Variants in AXDND1 observed in about 807,000 individuals in gnomAD.
The protein encoded by AXDND1 is axonemal dynein light chain domain-containing protein 1.
A neutral mutation model predicts 137.5 loss-of-function variants in AXDND1; 110 were observed. The observed-to-expected ratio is 0.80, with a 90% CI of 0.69 to 0.94. The LOEUF (loss-of-function observed/expected upper bound fraction) is 0.94. AXDND1 is among the 40% of genes least tolerant of loss of function. AXDND1 has a pLI of 0.00. For synonymous variants in AXDND1, 414 were observed against 399.7 expected, an observed-to-expected ratio of 1.04 and a Z score of -0.43; for missense variants, 1,191 against 1,169.8, an observed-to-expected ratio of 1.02 and a Z score of -0.26.
At chr1:179,390,451 G>A (rs1322781079) in intron 9 of AXDND1, among the ~76,000 whole-genome samples, 1 of 152,120 alleles carries the variant, frequency 6.6e-6, no homozygotes, top group Admixed American at 6.6e-5. Context: ...ATTTTTGTTT[G>A]TGTTTAAATA....
intron 13 of AXDND1, 62 bp downstream of exon 13, chr1:179,429,681 G>A: frequency 5.7e-6 from 5 of 877,476 alleles, no homozygotes; most frequent in South Asian, 2.2e-5. Flanking sequence ...GGTTGAGACT[G>A]TAAGATGCCT....
At chr1:179,439,143 GT>G (rs1431545079) in intron 15 of AXDND1, among the ~76,000 whole-genome samples, 1 of 152,140 alleles carries the variant, frequency 6.6e-6, no homozygotes, top group Non-Finnish European at 1.5e-5. Context: ...ACCATAGATT[GT>G]TTTCTAGCCA....
chr1:179,472,540 T>C (rs528292252), intron 17 of AXDND1, among the ~76,000 whole-genome samples: 1 of 152,298 alleles, frequency 6.6e-6, no homozygotes, highest in South Asian at 2.1e-4. Flanking sequence ...AAATCTTCTG[T>C]TTCCTTATTT....
intron 25 of AXDND1, 166 bp downstream of exon 25, chr1:179,535,128 A>C: frequency 9.7e-7 from 1 of 1,027,440 alleles, no homozygotes. Context: ...TCTTATTCGG[A>C]CAACTCACAA....
chr1:179,492,550 A>G (rs765643311), intron 19 of AXDND1, among the ~76,000 whole-genome samples: 4 of 152,194 alleles, frequency 2.6e-5, no homozygotes, highest in Non-Finnish European at 5.9e-5. Flanking sequence ...TGCAAGCTTG[A>G]TGCTATCATT....
At chr1:179,536,007 G>T (rs1671520046) in intron 25 of AXDND1, among the ~76,000 whole-genome samples, 2 of 152,224 alleles carry the variant, frequency 1.3e-5, no homozygotes, top group South Asian at 4.1e-4. Context: ...TCTGTTGGCT[G>T]CATAAATGTC....
intron 21 of AXDND1, among the ~76,000 whole-genome samples, chr1:179,514,732 A>G (rs1022203893): frequency 1.3e-5 from 2 of 152,114 alleles, no homozygotes; most frequent in Non-Finnish European, 2.9e-5. Flanking sequence ...ATTGTTTTAC[A>G]AATTTGGGAG....
intron 17 of AXDND1, among the ~76,000 whole-genome samples, chr1:179,471,157 T>C (rs778887395): frequency 6.6e-6 from 1 of 152,220 alleles, no homozygotes; most frequent in Non-Finnish European, 1.5e-5. Flanking sequence ...AGTCTTTGCA[T>C]TGGTATTCAT....
rs751120618 is a variant in AXDND1, at chr1:179,445,221, A to C, written c.1798+17A>C. 12 of 1,410,698 alleles carry C rather than the reference A, an allele frequency of 8.5e-6. No individual in the cohort carries two copies. The highest frequency in any genetic ancestry group is 7.3e-5 in the East Asian group (3 of 41,358). 87.4% of individuals were successfully genotyped at this position (1,410,698 alleles called of 1,614,324 possible). A position where few individuals can be genotyped will look rare whatever the true frequency, so the allele number is the denominator to read the frequency against. On this transcript the variant is annotated intron_variant, in intron 16 of 25. Transcript: ENST00000367618. ...GGGACAATGGTAAGAAAATACTCAT[A>C]ATAATTAGATTTCTTGGTATAAAAT...
intron 11 of AXDND1, among the ~76,000 whole-genome samples, chr1:179,410,857 A>G (rs1386334041): frequency 1.3e-5 from 2 of 152,160 alleles, no homozygotes; most frequent in African/African-American, 2.4e-5. Flanking sequence ...TCAGAATTCT[A>G]GTGAAAAAAT....
rs573554636 is a variant in AXDND1, at chr1:179,401,613, A to G, written c.1109+6411A>G. ...TGTCCCCACCCAAATATTGTCTTAA[A>G]TTTTAGCTACCATAATTCCCACGTG... On this transcript the variant is annotated intron_variant, in intron 11 of 25. Coordinates refer to ENST00000367618, the MANE Select transcript of AXDND1 (RefSeq NM_144696.6). Among the ~76,000 whole-genome samples, 22 of 152,214 alleles carry G rather than the reference A, an allele frequency of 1.4e-4. No homozygotes were observed. In the South Asian group the frequency reaches 3.9e-3, roughly 27 times the overall value.
chr1:179,422,058 A>C lies in AXDND1; in HGVS notation c.1231-7460A>C, dbSNP rs571574912. Among the ~76,000 whole-genome samples the C allele has an allele frequency of 1.1e-4, 16 of 151,494 alleles. No individual in the cohort carries two copies. In the South Asian group the frequency reaches 1.9e-3, roughly 18 times the overall value. Reference sequence around the variant, plus strand: ...TCCATCTCAAAAGAAAAAAAAAAAAAAAAACAGCAGCTTTTCCTTTCATTG... The same window carrying C: ...TCCATCTCAAAAGAAAAAAAAAAAACAAAACAGCAGCTTTTCCTTTCATTG... On this transcript the variant is annotated intron_variant, in intron 12 of 25. Coordinates refer to ENST00000367618, the MANE Select transcript of AXDND1 (RefSeq NM_144696.6).
chr1:179,480,991 T>C (rs913875372), intron 17 of AXDND1, among the ~76,000 whole-genome samples: 1 of 116,064 alleles, frequency 8.6e-6, no homozygotes, highest in African/African-American at 2.8e-5. Context: ...TTTATATATT[T>C]TTTTAATTAT....
intron 20 of AXDND1, among the ~76,000 whole-genome samples, chr1:179,498,890 C>A (rs1351488718): frequency 6.7e-6 from 1 of 149,436 alleles, no homozygotes; most frequent in Non-Finnish European, 1.5e-5. Flanking sequence ...CCATCTTACA[C>A]CAGTCAGAAT....
At chr1:179,468,323 G>A in intron 16 of AXDND1, 120 bp from the exon 17 acceptor site, 1 of 683,376 alleles carries the variant, frequency 1.5e-6, no homozygotes, top group East Asian at 2.8e-5. Context: ...TAGTCAAGCT[G>A]TAGGATAATA....
chr1:179,546,811 C>T (rs1303403534), intron 25 of AXDND1, among the ~76,000 whole-genome samples: 2 of 152,162 alleles, frequency 1.3e-5, no homozygotes, highest in Non-Finnish European at 2.9e-5. Flanking sequence ...CCAGGCCTGG[C>T]TCTTCACCAC....
intron 20 of AXDND1, among the ~76,000 whole-genome samples, chr1:179,493,214 A>C (rs11808139): frequency 0.32 from 48,267 of 151,280 alleles, 8,266 homozygotes; most frequent in Middle Eastern, 0.43. Context: ...CTAACACCAA[A>C]GATTTTTTTT....
At chr1:179,542,390 G>C (rs1381069156) in intron 25 of AXDND1, among the ~76,000 whole-genome samples, 3 of 152,076 alleles carry the variant, frequency 2.0e-5, no homozygotes, top group African/African-American at 2.4e-5. Flanking sequence ...CGCAGCCCCT[G>C]GCCCTAGGTA....
chr1:179,457,169 C>G (rs1453938425), intron 16 of AXDND1: 3 of 784,052 alleles, frequency 3.8e-6, no homozygotes, highest in Non-Finnish European at 6.9e-6. Flanking sequence ...AAACCCAAAG[C>G]CCCTGGAGTG....
Sources: gnomAD v4.1 joint callset for allele counts (sites outside exome capture counted in the v4.1 genomes callset) on GRCh38, gnomAD v4.1.1 for gene constraint, MANE v1.5 for transcripts, NCBI Gene and HGNC (gene_info 2026-07-23, HGNC 2026-07-21) for gene names.